TUSC3: variants seen among roughly 807,000 people sequenced by gnomAD.
TUSC3 encodes the protein tumor suppressor candidate 3, also known as dolichyl-diphosphooligosaccharide--protein glycosyltransferase subunit TUSC3.
A neutral mutation model predicts 44.8 loss-of-function variants in TUSC3; 45 were observed. That is an observed-to-expected ratio of 1.00 (90% CI 0.79 to 1.29). TUSC3 has a LOEUF of 1.29. Ranked by LOEUF, TUSC3 falls within the 50% of genes most tolerant of loss-of-function variation. The pLI is 0.00. For synonymous variants in TUSC3, 212 were observed against 152.9 expected (o/e 1.39, Z -2.85); for missense variants, 519 against 437.9 (o/e 1.19, Z -1.65).
chr8:15,723,643 C>G (rs901349709), intron 6 of TUSC3, among the ~76,000 whole-genome samples: 4 of 151,950 alleles, frequency 2.6e-5, no homozygotes, highest in African/African-American at 9.7e-5. Flanking sequence ...AAGAAGGCCC[C>G]AAGGATAGGA....
intron 1 of TUSC3, among the ~76,000 whole-genome samples, chr8:15,559,795 A>T (rs1802395669): frequency 1.0e-5 from 1 of 98,814 alleles, no homozygotes; most frequent in Admixed American, 1.1e-4. Context: ...GTTGGTTTAA[A>T]GTCTGTTTTA....
upstream of TUSC3, among the ~76,000 whole-genome samples, chr8:15,537,369 G>A (rs573098169): frequency 4.5e-4 from 69 of 152,234 alleles, no homozygotes; most frequent in African/African-American, 1.6e-3. Context: ...TTTCTTAAAT[G>A]TATTTGATTG....
intron 2 of TUSC3, among the ~76,000 whole-genome samples, chr8:15,526,424 C>G (rs750060561): frequency 6.6e-6 from 1 of 152,128 alleles, no homozygotes; most frequent in Non-Finnish European, 1.5e-5. Flanking sequence ...TGCTGTGTTC[C>G]TACCCAAATC....
upstream of TUSC3, among the ~76,000 whole-genome samples, chr8:15,536,978 C>T (rs144118792): frequency 4.8e-3 from 735 of 152,190 alleles, 2 homozygotes; most frequent in African/African-American, 0.016. Flanking sequence ...CCTTGCCATA[C>T]CTTGAAATTG....
chr8:15,782,979 C>CA, the TUSC3 span, among the ~76,000 whole-genome samples: 3 of 151,780 alleles, frequency 2.0e-5, no homozygotes, highest in Non-Finnish European at 2.9e-5. Context: ...AAGACTCCAC[C>CA]AAAAAAACCG....
chr8:15,462,704 T>C (rs1429487442), intron 1 of TUSC3, among the ~76,000 whole-genome samples: 1 of 152,128 alleles, frequency 6.6e-6, no homozygotes, highest in Non-Finnish European at 1.5e-5. Context: ...TATACTCCTA[T>C]GTGGTGGTAC....
chr8:15,768,966 G>A (rs1812396115), downstream of TUSC3, among the ~76,000 whole-genome samples: 1 of 152,126 alleles, frequency 6.6e-6, no homozygotes, highest in African/African-American at 2.4e-5. Flanking sequence ...CTCATGGATA[G>A]GACAGATGAA....
intron 1 of TUSC3, among the ~76,000 whole-genome samples, chr8:15,547,731 C>T (rs529372747): frequency 2.6e-5 from 4 of 151,388 alleles, no homozygotes; most frequent in African/African-American, 9.7e-5. Context: ...GATTAGTGCC[C>T]TTATAAATAG....
chr8:15,640,247 C>G (rs1212346202), intron 2 of TUSC3, among the ~76,000 whole-genome samples: 1 of 152,232 alleles, frequency 6.6e-6, no homozygotes, highest in African/African-American at 2.4e-5. Context: ...GGTAGAAACA[C>G]TTTACACGTG....
At chr8:15,788,380 C>G in the TUSC3 span, among the ~76,000 whole-genome samples, 1 of 151,970 alleles carries the variant, frequency 6.6e-6, no homozygotes, top group Non-Finnish European at 1.5e-5. Flanking sequence ...AACCCCCTCT[C>G]TACTAAAAAT....
At chr8:15,570,639 T>C (rs1371605696) in intron 1 of TUSC3, among the ~76,000 whole-genome samples, 1 of 152,180 alleles carries the variant, frequency 6.6e-6, no homozygotes, top group Non-Finnish European at 1.5e-5. Context: ...TTTACATGTA[T>C]TATTTCATTT....
At chr8:15,794,781 G>A in the TUSC3 span, among the ~76,000 whole-genome samples, 1 of 152,038 alleles carries the variant, frequency 6.6e-6, no homozygotes, top group Non-Finnish European at 1.5e-5. Flanking sequence ...TGATCCACAG[G>A]GGGGAAAATA....
intron 2 of TUSC3, among the ~76,000 whole-genome samples, chr8:15,522,914 C>T (rs1167065569): frequency 2.0e-5 from 3 of 152,124 alleles, no homozygotes; most frequent in Non-Finnish European, 4.4e-5. Context: ...GAAGTGATTT[C>T]AAGGAGCAGA....
At chr8:15,467,547 C>T (rs984801126) in intron 1 of TUSC3, among the ~76,000 whole-genome samples, 2 of 152,132 alleles carry the variant, frequency 1.3e-5, no homozygotes, top group Non-Finnish European at 2.9e-5. Context: ...CTGCCAGTTT[C>T]ATTGGGAGAT....
Position 15,766,125 on chromosome 8 carries a change from C to G in TUSC3, c.*1969C>G, listed in dbSNP as rs1218903342. 6.6e-6 allele frequency: 1 copy of G among 151,956 alleles called. No homozygotes were observed. Among genetic ancestry groups the G allele is most frequent in the Non-Finnish European group, 1.5e-5 (1 of 67,964 alleles). 9.4% of individuals were successfully genotyped at this position (151,956 alleles called of 1,614,324 possible). On this transcript the variant is annotated 3_prime_UTR_variant, in exon 11 of 11. Transcript: ENST00000503731. ...CTCTTATTTTCTAATTTCCTCTGAG[C>G]ATTTAAAATTACATCCAGTGATAAA... is the stretch of plus-strand genomic sequence containing the variant.
the TUSC3 span, among the ~76,000 whole-genome samples, chr8:15,812,052 G>A: frequency 1.3e-5 from 2 of 152,162 alleles, no homozygotes; most frequent in African/African-American, 4.8e-5. Flanking sequence ...TAGGACACAC[G>A]ATGCAAGACT....
intron 2 of TUSC3, among the ~76,000 whole-genome samples, chr8:15,486,181 G>C (rs1218242117): frequency 6.6e-6 from 1 of 152,130 alleles, no homozygotes; most frequent in Non-Finnish European, 1.5e-5. Context: ...ATTGGTCATT[G>C]CTCATGGTGT....
intron 1 of TUSC3, among the ~76,000 whole-genome samples, chr8:15,438,732 T>G (rs1799982885): frequency 6.6e-6 from 1 of 152,210 alleles, no homozygotes; most frequent in South Asian, 2.1e-4. Context: ...TAGGACTTCA[T>G]TTAGTGCAAT....
At chr8:15,501,032 G>C (rs764438995) in intron 2 of TUSC3, among the ~76,000 whole-genome samples, 1 of 151,918 alleles carries the variant, frequency 6.6e-6, no homozygotes, top group Non-Finnish European at 1.5e-5. Context: ...TTGTATTCTT[G>C]CTATCTTCCT....
Sources: gnomAD v4.1 joint callset for allele counts (sites outside exome capture counted in the v4.1 genomes callset) on GRCh38, gnomAD v4.1.1 for gene constraint, MANE v1.5 for transcripts, NCBI Gene and HGNC (gene_info 2026-07-23, HGNC 2026-07-21) for gene names.